Variants in ATP2A3 observed in about 807,000 individuals in gnomAD.
ATP2A3 encodes sarcoplasmic/endoplasmic reticulum calcium ATPase 3.
In ATP2A3, 61 loss-of-function variants were observed where a neutral mutation model predicts 106.8. That is an observed-to-expected ratio of 0.57 (90% CI 0.46 to 0.71). The LOEUF (loss-of-function observed/expected upper bound fraction) is 0.71. Ranked by LOEUF, ATP2A3 falls within the 30% of genes least tolerant of loss-of-function variation. The probability of loss-of-function intolerance (pLI) is 0.00; values close to 1 mark genes in which losing one functional copy is unlikely to be tolerated. For synonymous variants in ATP2A3, 611 were observed against 609.3 expected (o/e 1.00, Z -0.04); for missense variants, 1,201 against 1,423.5 (o/e 0.84, Z 2.52).
intron 3 of ATP2A3, among the ~76,000 whole-genome samples, chr17:3,952,187 C>T (rs2054486823): frequency 6.6e-6 from 1 of 152,130 alleles, no homozygotes; most frequent in Admixed American, 6.5e-5. Flanking sequence ...CAGGTTCAAG[C>T]AATTCTCATG....
Position 3,940,986 on chromosome 17 carries a change from G to C in ATP2A3, c.2085C>G (p.Asn695Lys), listed in dbSNP as rs777316611. 1.9e-6 allele frequency: 3 copies of C among 1,613,952 alleles called. No individual in the cohort carries two copies. The highest frequency in any genetic ancestry group is 1.7e-6 in the Non-Finnish European group (2 of 1,179,844). Residue 695 changes from asparagine (N) to lysine (K), a missense_variant, in exon 14 of 21, where the codon AAC (asparagine) becomes AAG (lysine). Asn to Lys is a moderately conservative substitution (Grantham distance 94, BLOSUM62 0). Around this residue, in one of 2 missense-constraint regions of ATP2A3, gnomAD observed 935 missense variants for 1,176.7 expected, o/e 0.79. Transcript: ENST00000397041. ...GTGGCCTCACCATAGCAGTGATCTCGTTAAAGGACTGCAGGTTCTCCACGA... is the reference window on the plus strand; with the variant it reads ...GTGGCCTCACCATAGCAGTGATCTCCTTAAAGGACTGCAGGTTCTCCACGA... ...SRIVENLQSF[N>K]EITAMTGDGV... is the part of the protein sequence containing the mutation.
In ATP2A3 at chr17:3,925,455, C is replaced by T; in HGVS notation, c.2981-14G>A. The T allele has an allele frequency of 6.2e-7, 1 of 1,612,204 alleles. No individual in the cohort carries two copies. The highest frequency in any genetic ancestry group is 8.5e-7 in the Non-Finnish European group (1 of 1,179,380). On this transcript the variant is annotated splice_polypyrimidine_tract_variant and intron_variant, in intron 20 of 20. Transcript: ENST00000397041. This position sits in a 1 kb window ranked among gnomAD's most constrained non-coding sequence, Gnocchi z 4.2. ...GGCTCATTTCTTCTGGAAGAAAAAC[C>T]CAAGAGCGCGTTAAGATGTATGTGT...
At chr17:3,951,097 G>A (rs2054394207) in intron 5 of ATP2A3, among the ~76,000 whole-genome samples, 154 bp downstream of exon 5, 1 of 151,972 alleles carries the variant, frequency 6.6e-6, no homozygotes, top group South Asian at 2.1e-4. Context: ...GCTTGAACCC[G>A]GGAGGCAGGA....
intron 1 of ATP2A3, among the ~76,000 whole-genome samples, chr17:3,956,690 C>T (rs1338994811): frequency 6.6e-6 from 1 of 152,214 alleles, no homozygotes; most frequent in African/African-American, 2.4e-5. Context: ...ACCCGGGGAC[C>T]AGCCTGCTGC....
chr17:3,929,309 G>A lies in ATP2A3; in HGVS notation c.2862+19C>T. The stretch of plus-strand genomic sequence containing the variant: ...TGATGTCCAGGGACCAGGGCAGTGG[G>A]GCAGGCGGGGTGACTCACAGGCAGG... On this transcript the variant is annotated intron_variant, in intron 19 of 20. Coordinates refer to ENST00000397041, the MANE Select transcript of ATP2A3 (RefSeq NM_005173.4). This position sits in a 1 kb window ranked among gnomAD's most constrained non-coding sequence, Gnocchi z 4.3. 1.3e-6 allele frequency: 2 copies of A among 1,542,416 alleles called. No individual in the cohort carries two copies. The highest frequency in any genetic ancestry group is 2.4e-5 in the East Asian group (1 of 40,906).
intron 13 of ATP2A3, 62 bp downstream of exon 13, chr17:3,941,374 G>GC (rs2053763185): frequency 6.2e-7 from 1 of 1,613,662 alleles, no homozygotes; most frequent in Admixed American, 1.7e-5. Context: ...CTCAGCTGCT[G>GC]CAGGGAGACT....
chr17:3,959,830 C>T (rs961754232), intron 1 of ATP2A3, among the ~76,000 whole-genome samples: 1 of 152,216 alleles, frequency 6.6e-6, no homozygotes, highest in South Asian at 2.1e-4. Flanking sequence ...CGCTCTGCAG[C>T]GGGGCCTGCA....
Position 3,941,537 on chromosome 17 carries a change from C to G in ATP2A3, c.1663G>C (p.Gly555Arg). The change falls in exon 13 of 21, where the codon GGC (glycine) becomes CGC (arginine). Residue 555 changes from glycine to arginine, a missense_variant. Transcript: ENST00000397041. ...ILAKIRDWGS[G>R]SDTLRCLALA... ...GCCAGGCAGCGCAGCGTGTCTGAGC[C>G]TGAGCCCCAATCCCGGATCTTTGCC... The G allele has an allele frequency of 6.2e-7, 1 of 1,613,926 alleles. No individual in the cohort carries two copies. Among genetic ancestry groups the G allele is most frequent in the Non-Finnish European group, 8.5e-7 (1 of 1,180,012 alleles).
Position 3,930,188 on chromosome 17 carries a change from C to T in ATP2A3, c.2744+113G>A. On this transcript the variant is annotated intron_variant, in intron 18 of 20. Transcript: ENST00000397041. This position sits in a 1 kb window ranked among gnomAD's most constrained non-coding sequence, Gnocchi z 5.4. ...AGCCCCCACTCCTCGGCCCCAGCTC[C>T]AGGCCCTGCGCCCAGCCCACCTGGA... 8.6e-7 allele frequency: 1 copy of T among 1,163,168 alleles called. No homozygotes were observed. Among genetic ancestry groups the T allele is most frequent in the Non-Finnish European group, 1.1e-6 (1 of 882,912 alleles). 72.1% of individuals were successfully genotyped at this position (1,163,168 alleles called of 1,614,324 possible).
chr17:3,928,076 T>G lies in ATP2A3; in HGVS notation c.2980+587A>C. 6.2e-7 allele frequency: 1 copy of G among 1,613,252 alleles called. No homozygotes were observed. Among genetic ancestry groups the G allele is most frequent in the East Asian group, 2.2e-5 (1 of 44,876 alleles). ...GAATCACCCACTCTCAGAGCCCACC[T>G]GGCAGAGGCAGGTGGATGGACCCCA... On this transcript the variant is annotated intron_variant, in intron 20 of 20. Transcript: ENST00000397041. The surrounding 1 kb of genome is among the most constrained non-coding windows in gnomAD (Gnocchi z 6.1).
chr17:3,957,715 T>G (rs558251359), intron 1 of ATP2A3, among the ~76,000 whole-genome samples: 2 of 152,364 alleles, frequency 1.3e-5, no homozygotes, highest in East Asian at 3.9e-4. Context: ...GCCTCCTTCC[T>G]TGCTCTCTCC....
In ATP2A3 at chr17:3,953,670, G is replaced by A; in HGVS notation, c.136+23C>T. ...CAGGGATGCTGCCCGCGGCCTAGAG[G>A]TCCATCCCGGTGCCAGCCTCACCTT... On this transcript the variant is annotated intron_variant, in intron 2 of 20. Coordinates refer to ENST00000397041, the MANE Select transcript of ATP2A3 (RefSeq NM_005173.4). The surrounding 1 kb of genome is among the most constrained non-coding windows in gnomAD (Gnocchi z 5.1). 1 of 1,561,288 alleles carries A rather than the reference G, an allele frequency of 6.4e-7. No homozygotes were observed. Among genetic ancestry groups the A allele is most frequent in the Non-Finnish European group, 8.7e-7 (1 of 1,152,418 alleles).
At chr17:3,940,201 G>A (rs1259712196) in intron 14 of ATP2A3, among the ~76,000 whole-genome samples, 1 of 151,920 alleles carries the variant, frequency 6.6e-6, no homozygotes, top group Non-Finnish European at 1.5e-5. Context: ...ACAGGTGTGT[G>A]CATGTTCCTA....
rs2144474374 is a variant in ATP2A3, at chr17:3,941,058, G to A, written c.2013C>T (p.Arg671=). 8 of 1,613,610 alleles carry A rather than the reference G, an allele frequency of 5.0e-6. No homozygotes were observed. In the African/African-American group the frequency reaches 5.3e-5, roughly 11 times the overall value. ...LSPEQQRQAC[R]TARCFARVEP... is the part of the protein sequence containing the mutation. ...CCACGCGGGCGAAGCAGCGGGCGGT[G>A]CGGCAGGCCTGGCGCTGCTGCTCGG... The change falls in exon 14 of 21, where the codon CGC becomes CGT. Residue 671 remains arginine (R), a synonymous_variant. Transcript: ENST00000397041.
chr17:3,944,571 G>A (rs1387310612), intron 10 of ATP2A3, 133 bp downstream of exon 10: 5 of 868,730 alleles, frequency 5.8e-6, no homozygotes, highest in South Asian at 1.4e-5. Context: ...GGGTGTGCAG[G>A]GGTAACCGTG....
At position 3,947,566 on chromosome 17, in the gene ATP2A3, A is replaced by T; in HGVS notation, c.920T>A (p.Ile307Asn). The change falls in exon 8 of 21, where the codon ATC (isoleucine) becomes AAC (asparagine). Residue 307 changes from isoleucine to asparagine, a missense_variant. Coordinates refer to ENST00000397041, the MANE Select transcript of ATP2A3 (RefSeq NM_005173.4). This position sits in a 1 kb window ranked among gnomAD's most constrained non-coding sequence, Gnocchi z 7.7. ...GATGACAGCCGGGAGGCCCTCGGGG[A>T]TGGCCGCCACCGCCAGGGCCACGGC... Reference protein sequence around the residue: ...KIAVALAVAAIPEGLPAVITT... With the variant: ...KIAVALAVAANPEGLPAVITT... The T allele has an allele frequency of 6.2e-7, 1 of 1,612,884 alleles. No homozygotes were observed. Among genetic ancestry groups the T allele is most frequent in the Non-Finnish European group, 8.5e-7 (1 of 1,179,908 alleles).
intron 1 of ATP2A3, among the ~76,000 whole-genome samples, chr17:3,963,684 C>G (rs2055268406): frequency 6.6e-6 from 1 of 152,144 alleles, no homozygotes; most frequent in Admixed American, 6.5e-5. Context: ...GGTGGGGGCC[C>G]CAAGGCTGCT....
chr17:3,963,767 G>A (rs1047651156), intron 1 of ATP2A3, among the ~76,000 whole-genome samples: 1 of 152,230 alleles, frequency 6.6e-6, no homozygotes, highest in Non-Finnish European at 1.5e-5. Context: ...CTGGGAGGCC[G>A]AGCCTGAGTC....
At chr17:3,934,216 G>A (rs539701521) in intron 17 of ATP2A3, among the ~76,000 whole-genome samples, 1 of 151,782 alleles carries the variant, frequency 6.6e-6, no homozygotes, top group Non-Finnish European at 1.5e-5. Flanking sequence ...GAGCCACCGC[G>A]GCAGGATGTG....
Sources: allele counts gnomAD v4.1 joint callset (sites outside exome capture counted in the v4.1 genomes callset), GRCh38; gene constraint gnomAD v4.1.1; regional missense constraint gnomAD v4.1.1; non-coding constraint Gnocchi (gnomAD v3.1); transcripts MANE v1.5; gene names NCBI Gene and HGNC (gene_info 2026-07-23, HGNC 2026-07-21).